The following PCDHA6 variants were observed in gnomAD, a reference collection of about 807,000 sequenced individuals.
PCDHA6 encodes the protein protocadherin alpha-6.
A neutral mutation model predicts 60.3 loss-of-function variants in PCDHA6; 55 were observed. The ratio of observed to expected loss-of-function variants is 0.91; its 90% confidence interval spans 0.73 to 1.14. The LOEUF (loss-of-function observed/expected upper bound fraction) is 1.14. Ranked by LOEUF, PCDHA6 falls within the 50% of genes most tolerant of loss-of-function variation. PCDHA6 has a pLI of 0.00. For missense variants in PCDHA6, 1,327 were observed against 1,256.5 expected (o/e 1.06, Z -0.85); for synonymous variants, 652 against 557.9 (o/e 1.17, Z -2.38).
At chr5:140,923,910 C>T (rs1280601799) in intron 1 of PCDHA6, among the ~76,000 whole-genome samples, 5 of 152,156 alleles carry the variant, frequency 3.3e-5, no homozygotes, top group African/African-American at 1.2e-4. Flanking sequence ...GTGAAGATTT[C>T]CCATACTGTT....
At chr5:140,928,326 C>T (rs1554205788) in intron 1 of PCDHA6, 1 of 1,614,162 alleles carries the variant, frequency 6.2e-7, no homozygotes, top group Non-Finnish European at 8.5e-7. Context: ...GGAAGAATGG[C>T]CTTGTCTCTT....
intron 1 of PCDHA6, among the ~76,000 whole-genome samples, chr5:140,924,575 T>C (rs1255232429): frequency 6.6e-6 from 1 of 152,078 alleles, no homozygotes; most frequent in East Asian, 1.9e-4. Flanking sequence ...TTTTTAAATG[T>C]TTTCAAATAT....
intron 1 of PCDHA6, among the ~76,000 whole-genome samples, chr5:140,886,029 T>C (rs1464446627): frequency 1.3e-5 from 2 of 152,180 alleles, no homozygotes; most frequent in Non-Finnish European, 2.9e-5. Context: ...TATTCTTCAC[T>C]AAGTTTTCCC....
chr5:140,893,198 C>T (rs1242904411), intron 1 of PCDHA6, among the ~76,000 whole-genome samples: 2 of 152,164 alleles, frequency 1.3e-5, no homozygotes, highest in Admixed American at 6.5e-5. Flanking sequence ...AATAGTGCTG[C>T]AGTAAGTATG....
intron 2 of PCDHA6, among the ~76,000 whole-genome samples, chr5:140,981,379 G>C (rs1387904235): frequency 6.6e-6 from 1 of 152,152 alleles, no homozygotes; most frequent in Non-Finnish European, 1.5e-5. Context: ...TTCAAGACCA[G>C]CCTGGTCAAT....
rs2150353014 is a variant in PCDHA6 at position 140,843,115 on chromosome 5, C to T, written c.2394+12630C>T. 5.0e-6 allele frequency: 8 copies of T among 1,595,710 alleles called. 2 individuals carry two copies. Among genetic ancestry groups the T allele is most frequent in the African/African-American group, 2.7e-5 (2 of 74,438 alleles). On this transcript the variant is annotated intron_variant, in intron 1 of 3. Transcript: ENST00000529310. ...TGGTAGCGAAGGTGCGCGCAGTGGA[C>T]GCCGACTCGGGCTACAACGCGTGGC...
chr5:140,874,192 T>C (rs1263028873), intron 1 of PCDHA6, among the ~76,000 whole-genome samples: 4 of 152,224 alleles, frequency 2.6e-5, no homozygotes, highest in African/African-American at 9.6e-5. Flanking sequence ...GGTGTCATAT[T>C]TCAGTTGCCT....
At chr5:140,836,432 G>T in intron 1 of PCDHA6, 3 of 1,613,830 alleles carry the variant, frequency 1.9e-6, no homozygotes, top group South Asian at 1.1e-5. Flanking sequence ...CGCGGGCATC[G>T]TTGGGCATTG....
At chr5:140,966,971 C>G (rs375161984) in intron 1 of PCDHA6, 1 of 1,602,808 alleles carries the variant, frequency 6.2e-7, no homozygotes, top group Non-Finnish European at 8.5e-7. Flanking sequence ...GGGGCTTGAG[C>G]TGCGGCGCTT....
intron 1 of PCDHA6, among the ~76,000 whole-genome samples, chr5:140,919,229 C>T (rs1163633473): frequency 1.1e-4 from 17 of 152,144 alleles, no homozygotes; most frequent in African/African-American, 3.9e-4. Flanking sequence ...TTTCTAGTAA[C>T]ACTTTTTGTC....
Position 140,871,165 on chromosome 5 carries a change from C to A in PCDHA6, c.2394+40680C>A, listed in dbSNP as rs1044550712. 1.4e-5 allele frequency: 22 copies of A among 1,613,372 alleles called. No individual in the cohort carries two copies. Among genetic ancestry groups the A allele is most frequent in the Non-Finnish European group, 1.7e-5 (20 of 1,179,938 alleles). On this transcript the variant is annotated intron_variant, in intron 1 of 3. Transcript: ENST00000529310. ...CCGGACTTTGGCGGGCGCCGCGAGCCCAGAGGCTGCGCTGGTGGATGTCAA... is the reference window on the plus strand; with the variant it reads ...CCGGACTTTGGCGGGCGCCGCGAGCACAGAGGCTGCGCTGGTGGATGTCAA...
At chr5:140,861,557 G>A in intron 1 of PCDHA6, 1 of 398,292 alleles carries the variant, frequency 2.5e-6, no homozygotes, top group Non-Finnish European at 5.2e-6. Context: ...AAGTGATCGT[G>A]GACAAGCTGC....
At chr5:140,959,066 G>T (rs913581823) in intron 1 of PCDHA6, among the ~76,000 whole-genome samples, 81 of 152,142 alleles carry the variant, frequency 5.3e-4, no homozygotes, top group African/African-American at 1.9e-3. Flanking sequence ...AGTATATATA[G>T]AATTCAGTAT....
At chr5:140,948,764 G>A (rs962710607) in intron 1 of PCDHA6, among the ~76,000 whole-genome samples, 11 of 150,728 alleles carry the variant, frequency 7.3e-5, no homozygotes, top group East Asian at 3.9e-4. Context: ...GATTTTTTTC[G>A]AATAGCCAGC....
chr5:140,858,459 TC>T, intron 1 of PCDHA6: 5 of 1,527,032 alleles, frequency 3.3e-6, no homozygotes, highest in Non-Finnish European at 4.4e-6. Context: ...GTTTTCATTT[TC>T]CTTTTGTGCT....
At chr5:140,895,115 T>C (rs2064854715) in intron 1 of PCDHA6, among the ~76,000 whole-genome samples, 1 of 152,182 alleles carries the variant, frequency 6.6e-6, no homozygotes, top group Non-Finnish European at 1.5e-5. Flanking sequence ...CAAGAAGACA[T>C]TTGTTAGTTG....
At chr5:140,871,310 C>A (rs2052956862) in intron 1 of PCDHA6, 1 of 1,613,930 alleles carries the variant, frequency 6.2e-7, no homozygotes, top group South Asian at 1.1e-5. Flanking sequence ...CCGGGGAAGC[C>A]CACGCTGGTG....
chr5:140,835,636 T>C (rs1460811244), intron 1 of PCDHA6: 1 of 1,613,788 alleles, frequency 6.2e-7, no homozygotes, highest in Non-Finnish European at 8.5e-7. Flanking sequence ...CGCGAGAGTG[T>C]GTCCGCCTAT....
Position 140,871,457 on chromosome 5 carries a change from G to A in PCDHA6, c.2394+40972G>A, listed in dbSNP as rs1562665046. 8.1e-6 allele frequency: 13 copies of A among 1,605,570 alleles called. No individual in the cohort carries two copies. The highest frequency in any genetic ancestry group is 1.1e-5 in the Non-Finnish European group (13 of 1,175,480). The stretch of plus-strand genomic sequence containing the variant: ...CTAGGTCTGAATAAAGAGGAGGAAG[G>A]GGAAAGACAGGAGCCAGGGTCAAAT... On this transcript the variant is annotated intron_variant, in intron 1 of 3. Transcript: ENST00000529310.
Sources: gnomAD v4.1 joint callset for allele counts (sites outside exome capture counted in the v4.1 genomes callset) on GRCh38, gnomAD v4.1.1 for gene constraint, MANE v1.5 for transcripts, NCBI Gene and HGNC (gene_info 2026-07-23, HGNC 2026-07-21) for gene names.